CEP72: variants seen among roughly 807,000 people sequenced by gnomAD.
CEP72 encodes the protein centrosomal protein 72.
Under a neutral mutation model 65.7 loss-of-function variants are expected in CEP72, and 78 were observed. That is an observed-to-expected ratio of 1.19 (90% CI 0.99 to 1.43). CEP72 has a LOEUF of 1.43. Among genes scored for constraint, CEP72 ranks in the 40% most tolerant of loss-of-function variants. The pLI is 0.00. For missense variants in CEP72, 914 were observed against 832.9 expected (o/e 1.10, Z -1.20); for synonymous variants, 358 against 351.7 (o/e 1.02, Z -0.20).
chr5:619,792 G>A (rs73734333), intron 2 of CEP72, among the ~76,000 whole-genome samples: 3,999 of 152,264 alleles, frequency 0.026, 69 homozygotes, highest in African/African-American at 0.041. Flanking sequence ...GAAATTGTGC[G>A]TGCACATCAC....
At chr5:639,257 A>C in intron 8 of CEP72, 33 bp downstream of exon 8, 4 of 1,529,384 alleles carry the variant, frequency 2.6e-6, no homozygotes, top group Non-Finnish European at 3.5e-6. Context: ...CTTGCCCTGT[A>C]GGCAGCGTCT....
chr5:653,946 T>G (rs1739267531), downstream of CEP72, among the ~76,000 whole-genome samples: 2 of 152,064 alleles, frequency 1.3e-5, no homozygotes. Context: ...GAAAATGCTC[T>G]GTGCTAGCTC....
chr5:643,094 A>G (rs989522944), intron 9 of CEP72: 118 of 979,626 alleles, frequency 1.2e-4, no homozygotes, highest in Non-Finnish European at 1.3e-4. Context: ...CACTCCTGTC[A>G]TCCCAGCTAT....
At position 624,419 on chromosome 5, in the gene CEP72, C is replaced by T. The variant is rs371478617; in HGVS notation, c.404-52C>T. 5.4e-4 allele frequency: 746 copies of T among 1,377,762 alleles called. 7 individuals carry two copies. In the East Asian group the frequency reaches 0.014, roughly 26 times the overall value. The allele number at this position is 1,377,762 out of a possible 1,614,324, so 85.3% of individuals were successfully genotyped here. On this transcript the variant is annotated intron_variant, in intron 3 of 11. Transcript: ENST00000264935. This position sits in a 1 kb window ranked among gnomAD's most constrained non-coding sequence, Gnocchi z 4.7. ...CCGTGTAGATGCCCCAGGGTGGATG[C>T]AGCCGCCCGCCGCTTGCCACCTGCA...
At chr5:620,896 CATT>C (rs930088009) in intron 3 of CEP72, among the ~76,000 whole-genome samples, 2 of 152,230 alleles carry the variant, frequency 1.3e-5, no homozygotes, top group Non-Finnish European at 2.9e-5. Flanking sequence ...TCCCCGGAGG[CATT>C]GTTGCTGTTG....
At chr5:643,070 T>C (rs567196241) in intron 9 of CEP72, 3 of 983,290 alleles carry the variant, frequency 3.1e-6, no homozygotes, top group East Asian at 1.1e-4. Context: ...AATAAAAAAT[T>C]AGGTGTGGTG....
At chr5:672,978 G>A in the CEP72 span, among the ~76,000 whole-genome samples, 9 of 152,330 alleles carry the variant, frequency 5.9e-5, no homozygotes, top group Admixed American at 4.6e-4. Flanking sequence ...CACGCCGGTG[G>A]AGCCATGGCA....
In CEP72 at chr5:641,895, C is replaced by T. The variant is rs1398150014; in HGVS notation, c.1539+1291C>T. 6 of 970,300 alleles carry T rather than the reference C, an allele frequency of 6.2e-6. 1 individual carries two copies. In the Admixed American group the frequency reaches 2.7e-4, roughly 43 times the overall value. 60.1% of individuals were successfully genotyped at this position (970,300 alleles called of 1,614,324 possible). A position where few individuals can be genotyped will look rare whatever the true frequency, so the allele number is the denominator to read the frequency against. On this transcript the variant is annotated intron_variant, in intron 9 of 11. Coordinates refer to ENST00000264935, the MANE Select transcript of CEP72 (RefSeq NM_018140.4). ...GTGCATTTAAACACACGTGGTCCCC[C>T]GTCCAGAAGCCTGTGCATTTAAACA...
At chr5:672,535 A>G in the CEP72 span, among the ~76,000 whole-genome samples, 15 of 152,350 alleles carry the variant, frequency 9.8e-5, no homozygotes, top group South Asian at 1.7e-3. Context: ...CCTGAGCTAG[A>G]TGGACCCATA....
exon 4 of CEP72, chr5:665,988 G>C: frequency 6.7e-7 from 1 of 1,500,392 alleles, no homozygotes; most frequent in Non-Finnish European, 9.0e-7. Context: ...CTGAGATGAT[G>C]GGCGCCTTGC....
intron 1 of CEP72, 133 bp from the exon 2 acceptor site, chr5:618,857 G>T (rs752972661): frequency 3.0e-5 from 22 of 725,316 alleles, no homozygotes; most frequent in Middle Eastern, 3.9e-4. Context: ...GAAGATTCAG[G>T]AGCCTGAGTA....
At chr5:637,424 A>T (rs956113116) in intron 6 of CEP72, 93 bp from the exon 7 acceptor site, 6 of 1,106,940 alleles carry the variant, frequency 5.4e-6, no homozygotes, top group Middle Eastern at 2.0e-4. Flanking sequence ...GTGTATATAC[A>T]TGGGCACACA....
downstream of CEP72, among the ~76,000 whole-genome samples, chr5:669,784 T>C (rs1041289421): frequency 1.3e-5 from 2 of 151,636 alleles, no homozygotes; most frequent in Non-Finnish European, 2.9e-5. Flanking sequence ...GGCGGGGAGC[T>C]CTCCCCAGGA....
intron 4 of CEP72, among the ~76,000 whole-genome samples, chr5:631,784 C>T (rs1428613489): frequency 6.9e-4 from 34 of 49,152 alleles, no homozygotes; most frequent in African/African-American, 1.4e-3. Flanking sequence ...GGGGTTCTGT[C>T]CAGTGCCGGG....
chr5:669,316 C>T (rs991937132), downstream of CEP72, among the ~76,000 whole-genome samples: 10 of 151,440 alleles, frequency 6.6e-5, no homozygotes, highest in East Asian at 3.9e-4. Context: ...AGCTCTGTGG[C>T]GTGGGGGTCC....
intron 4 of CEP72, among the ~76,000 whole-genome samples, chr5:625,619 C>T (rs1736704564): frequency 6.6e-6 from 1 of 152,240 alleles, no homozygotes; most frequent in Non-Finnish European, 1.5e-5. Context: ...GGGATCGCCT[C>T]TTCCCTCAGA....
Position 653,266 on chromosome 5 carries a change from G to T in CEP72, c.*113G>T, listed in dbSNP as rs1422013288. The stretch of plus-strand genomic sequence containing the variant: ...CTGGCAAGAGTTCTCTCTTCTGTTG[G>T]TAATTATTTAGGATTTTTGGAATGT... On this transcript the variant is annotated 3_prime_UTR_variant, in exon 12 of 12. Transcript: ENST00000264935. 8.1e-6 allele frequency: 9 copies of T among 1,111,530 alleles called. No homozygotes were observed. The highest frequency in any genetic ancestry group is 1.1e-5 in the Non-Finnish European group (9 of 823,168). 68.9% of individuals were successfully genotyped at this position (1,111,530 alleles called of 1,614,324 possible). A position where few individuals can be genotyped will look rare whatever the true frequency, so the allele number is the denominator to read the frequency against.
chr5:671,201 C>G (rs1740210541), downstream of CEP72, among the ~76,000 whole-genome samples: 1 of 149,936 alleles, frequency 6.7e-6, no homozygotes, highest in South Asian at 2.1e-4. Flanking sequence ...CCTGCGCTTG[C>G]TGCTAATTAA....
the CEP72 span, among the ~76,000 whole-genome samples, chr5:672,720 C>T: frequency 6.6e-6 from 1 of 152,250 alleles, no homozygotes; most frequent in African/African-American, 2.4e-5. Flanking sequence ...CTACCGGGCC[C>T]CACTCCCACC....
Sources: allele counts gnomAD v4.1 joint callset (sites outside exome capture counted in the v4.1 genomes callset), GRCh38; gene constraint gnomAD v4.1.1; non-coding constraint Gnocchi (gnomAD v3.1); transcripts MANE v1.5; gene names NCBI Gene and HGNC (gene_info 2026-07-23, HGNC 2026-07-21).